COG6: variants seen among roughly 807,000 people sequenced by gnomAD.
COG6 encodes conserved oligomeric Golgi complex subunit 6.
A neutral mutation model predicts 88.8 loss-of-function variants in COG6; 74 were observed. The ratio of observed to expected loss-of-function variants is 0.83; its 90% CI spans 0.69 to 1.01. COG6 has a LOEUF of 1.01. Among genes scored for constraint, COG6 ranks in the 50% least tolerant of loss-of-function variants. COG6 has a pLI of 0.00. For missense variants in COG6, 800 were observed against 797.9 expected (o/e 1.00, Z -0.03); for synonymous variants, 286 against 278.7 (o/e 1.03, Z -0.26).
intron 13 of COG6, among the ~76,000 whole-genome samples, chr13:39,708,796 A>G (rs1186515481): frequency 1.3e-5 from 2 of 152,174 alleles, no homozygotes; most frequent in Non-Finnish European, 2.9e-5. Flanking sequence ...CCTTAGCTAC[A>G]TATGTATTTC....
At chr13:39,701,539 A>G (rs565275646) in intron 13 of COG6, among the ~76,000 whole-genome samples, 1 of 152,050 alleles carries the variant, frequency 6.6e-6, no homozygotes, top group African/African-American at 2.4e-5. Flanking sequence ...CTGAGAGAGG[A>G]TGGCCAGAGA....
intron 18 of COG6, among the ~76,000 whole-genome samples, chr13:39,777,634 G>T (rs559157307): frequency 6.6e-6 from 1 of 152,320 alleles, no homozygotes; most frequent in East Asian, 1.9e-4. Context: ...ATCTTTCCTG[G>T]TGAGGGATCA....
chr13:39,700,827 C>T (rs1306004167), intron 13 of COG6, among the ~76,000 whole-genome samples: 6 of 151,728 alleles, frequency 4.0e-5, no homozygotes, highest in Admixed American at 1.3e-4. Flanking sequence ...TATCTGTACT[C>T]CTTTACAGAG....
At chr13:39,726,074 C>T (rs1343193406) in intron 17 of COG6, among the ~76,000 whole-genome samples, 1 of 151,934 alleles carries the variant, frequency 6.6e-6, no homozygotes, top group East Asian at 1.9e-4. Flanking sequence ...TACGATGTCT[C>T]TGGAGAAACA....
In COG6 at chr13:39,765,566, A is replaced by G. The variant is rs141873591; in HGVS notation, c.1827-22769A>G. ...ATCACATTAACAAGTTTAAGCAAGTATGTCAGATTGATTTCCAGCTTTTGG... is the reference window on the plus strand; with the variant it reads ...ATCACATTAACAAGTTTAAGCAAGTGTGTCAGATTGATTTCCAGCTTTTGG... On this transcript the variant is annotated intron_variant, in intron 18 of 18. Coordinates refer to the COG6 transcript ENST00000416691. Among the ~76,000 whole-genome samples the G allele has an allele frequency of 1.9e-4, 29 of 152,326 alleles. No individual in the cohort carries two copies. The South Asian group carries it at 5.2e-3, about 27-fold the overall frequency.
rs770411791 is a variant in COG6, at chr13:39,660,822, A to C, written c.310A>C (p.Ile104Leu). 1 of 1,607,910 alleles carries C rather than the reference A, an allele frequency of 6.2e-7. No homozygotes were observed. Among genetic ancestry groups the C allele is most frequent in the East Asian group, 2.2e-5 (1 of 44,722 alleles). The change falls in exon 3 of 19, where the codon ATA becomes CTA. Residue 104 changes from isoleucine to leucine, a missense_variant. By Grantham distance (5) the Ile-to-Leu change is conservative. Transcript: ENST00000455146. ...FKEVKEELES[I>L]SEDVQAMSNC... ...TTCTTCTTTTCAGGAACTTGAAAGC[A>C]TAAGCGAAGATGTTCAAGCAATGAG...
intron 18 of COG6, among the ~76,000 whole-genome samples, chr13:39,759,363 G>C (rs1880943975): frequency 2.0e-5 from 3 of 152,086 alleles, no homozygotes; most frequent in Non-Finnish European, 1.5e-5. Context: ...CTTGAACCTG[G>C]TGATAGTACT....
chr13:39,787,126 G>A (rs1881797905), intron 18 of COG6, among the ~76,000 whole-genome samples: 1 of 152,076 alleles, frequency 6.6e-6, no homozygotes, highest in African/African-American at 2.4e-5. Context: ...GGCTCATCAT[G>A]CTGTGAACTA....
intron 18 of COG6, among the ~76,000 whole-genome samples, chr13:39,758,231 AAAAAAAAAAAAT>A (rs1880904701): frequency 6.7e-6 from 1 of 149,922 alleles, no homozygotes; most frequent in Non-Finnish European, 1.5e-5. Flanking sequence ...AAAAAAAAAA[AAAAAAAAAAAAT>A]GACGAGCTGG....
chr13:39,714,197 A>G, intron 13 of COG6, among the ~76,000 whole-genome samples: 1 of 149,148 alleles, frequency 6.7e-6, no homozygotes, highest in East Asian at 2.0e-4. Flanking sequence ...TTTGGCAATT[A>G]AAAATCTCTT....
At chr13:39,728,243 G>A (rs1879243173) in intron 18 of COG6, among the ~76,000 whole-genome samples, 1 of 151,952 alleles carries the variant, frequency 6.6e-6, no homozygotes. Flanking sequence ...TAACCTAATA[G>A]GTCAGTTAAA....
chr13:39,668,960 G>A lies in COG6; in HGVS notation c.428+3806G>A, dbSNP rs576701394. On this transcript the variant is annotated intron_variant, in intron 4 of 18. Coordinates refer to ENST00000455146, the MANE Select transcript of COG6 (RefSeq NM_020751.3). The stretch of plus-strand genomic sequence containing the variant: ...AGATTTTGCAGTTTTACTCGTTGGT[G>A]TATTTATTTTTATACATTTTATCAT... 2.4e-4 allele frequency among the ~76,000 whole-genome samples: 37 copies of A among 152,248 alleles called. 1 individual carries two copies. In the South Asian group the frequency reaches 7.7e-3, roughly 32 times the overall value.
chr13:39,770,556 C>T (rs1175652707), intron 18 of COG6, among the ~76,000 whole-genome samples: 1 of 152,198 alleles, frequency 6.6e-6, no homozygotes, highest in Non-Finnish European at 1.5e-5. Flanking sequence ...CACTGCCTCA[C>T]CCTGCCCCCT....
intron 2 of COG6, 54 bp downstream of exon 2, chr13:39,659,561 C>T: frequency 6.8e-7 from 1 of 1,465,758 alleles, no homozygotes; most frequent in Non-Finnish European, 9.5e-7. Context: ...TTACGCCTGG[C>T]TCTGTGCTAA....
intron 18 of COG6, among the ~76,000 whole-genome samples, chr13:39,767,185 A>G (rs1020756876): frequency 6.6e-6 from 1 of 152,190 alleles, no homozygotes; most frequent in Admixed American, 6.5e-5. Context: ...CTGACACCAG[A>G]TTGTTAACGT....
intron 12 of COG6, among the ~76,000 whole-genome samples, chr13:39,695,449 T>C (rs1877224323): frequency 6.6e-6 from 1 of 151,940 alleles, no homozygotes; most frequent in African/African-American, 2.4e-5. Context: ...TTCCAAGCCA[T>C]ATTTTTGATA....
chr13:39,755,348 C>T (rs1402834600), downstream of COG6, among the ~76,000 whole-genome samples: 1 of 151,938 alleles, frequency 6.6e-6, no homozygotes, highest in African/African-American at 2.4e-5. Flanking sequence ...GCAGATTATC[C>T]TTATTTGATC....
intron 18 of COG6, among the ~76,000 whole-genome samples, chr13:39,731,648 T>C (rs917751353): frequency 6.6e-6 from 1 of 152,232 alleles, no homozygotes; most frequent in Non-Finnish European, 1.5e-5. Context: ...TTGATAACTC[T>C]TTTATTCAAG....
rs768219513 is a variant in COG6, at chr13:39,699,503, G to A, written c.1169G>A (p.Gly390Asp). The change falls in exon 13 of 19, where the codon GGT (glycine) becomes GAT (aspartate). Residue 390 changes from glycine (G) to aspartate (D), a missense_variant and splice_region_variant. By Grantham distance (94) the Gly-to-Asp change is moderately conservative. Transcript: ENST00000455146. ...CCTGAAATATTCTTTGCTTTTAGTGGTATTGTTGGAAATAGTGCAACTGCA... is the reference window on the plus strand; with the variant it reads ...CCTGAAATATTCTTTGCTTTTAGTGATATTGTTGGAAATAGTGCAACTGCA... ...LLKFYHHTIS[G>D]IVGNSATALL... 8 of 1,477,130 alleles carry A rather than the reference G, an allele frequency of 5.4e-6. No homozygotes were observed. Among genetic ancestry groups the A allele is most frequent in the Non-Finnish European group, 9.5e-7 (1 of 1,056,582 alleles). The allele number at this position is 1,477,130 out of a possible 1,614,324, so 91.5% of individuals were successfully genotyped here.
Sources: allele counts gnomAD v4.1 joint callset (sites outside exome capture counted in the v4.1 genomes callset), GRCh38; gene constraint gnomAD v4.1.1; transcripts MANE v1.5; gene names NCBI Gene and HGNC (gene_info 2026-07-23, HGNC 2026-07-21).